SETX: variants seen among roughly 807,000 people sequenced by gnomAD.
SETX encodes helicase senataxin.
In SETX, 90 loss-of-function variants were observed where a neutral mutation model predicts 227.2. That is an observed-to-expected ratio of 0.40 (90% CI 0.33 to 0.47). The LOEUF (loss-of-function observed/expected upper bound fraction) is 0.47. Among genes scored for constraint, SETX ranks in the 20% least tolerant of loss-of-function variants. The pLI is 0.91. For missense variants in SETX, 3,052 were observed against 3,181.5 expected (o/e 0.96, Z 0.98); for synonymous variants, 1,210 against 1,113.2 (o/e 1.09, Z -1.73).
chr9:132,312,886 C>T (rs1589704342), intron 10 of SETX, among the ~76,000 whole-genome samples: 1 of 152,194 alleles, frequency 6.6e-6, no homozygotes, highest in African/African-American at 2.4e-5. Flanking sequence ...TATATCCATA[C>T]AATAGAATCT....
At position 132,264,832 on chromosome 9, in the gene SETX, G is replaced by C; in HGVS notation, c.7441C>G (p.Pro2481Ala). ...CCACCCTGGGGTCTGGACCCCTCTG[G>C]GGCTATGGTAGGAGGGTGAGTGAGA... ...RSLTHPPTIA[P>A]EGSRPQGGLP... The change falls in exon 26 of 26, where the codon CCA becomes GCA. Residue 2481 changes from proline to alanine, a missense_variant. By Grantham distance (27) the Pro-to-Ala change is conservative. Transcript: ENST00000224140. The C allele has an allele frequency of 1.9e-6, 3 of 1,614,124 alleles. No individual in the cohort carries two copies. The highest frequency in any genetic ancestry group is 2.5e-6 in the Non-Finnish European group (3 of 1,180,030).
At chr9:132,278,793 G>T (rs76114520) in intron 20 of SETX, among the ~76,000 whole-genome samples, 2 of 152,046 alleles carry the variant, frequency 1.3e-5, no homozygotes, top group Non-Finnish European at 2.9e-5. Context: ...TATTTCTGGG[G>T]GTACACCCTC....
At chr9:132,334,385 T>C (rs553398423) in intron 7 of SETX, among the ~76,000 whole-genome samples, 1 of 151,974 alleles carries the variant, frequency 6.6e-6, no homozygotes, top group East Asian at 1.9e-4. Flanking sequence ...GAGGTGGAGG[T>C]TGCAGTGAGC....
In SETX at chr9:132,327,676, C is replaced by T; in HGVS notation, c.3922G>A (p.Ala1308Thr). The change falls in exon 10 of 26, where the codon GCT becomes ACT. Residue 1308 changes from alanine (A) to threonine (T), a missense_variant. Physicochemically the swap from Ala to Thr is moderately conservative, Grantham distance 58. This residue lies in a region of SETX where 1,483 missense variants were observed against 1,312.0 expected (regional missense o/e 1.13). Coordinates refer to ENST00000224140, the MANE Select transcript of SETX (RefSeq NM_015046.7). ...ELSQRSLDYV[A>T]QLRDHGKTVG... is the part of the protein sequence containing the mutation. ...GTTTTGCCATGATCACGTAATTGAG[C>T]TACATAATCCAAAGACCGCTGGGAC... The T allele has an allele frequency of 6.2e-7, 1 of 1,613,780 alleles. No individual in the cohort carries two copies. Among genetic ancestry groups the T allele is most frequent in the African/African-American group, 1.3e-5 (1 of 74,924 alleles).
chr9:132,295,822 A>G (rs1462424103), intron 15 of SETX, 50 bp downstream of exon 15: 2 of 1,565,296 alleles, frequency 1.3e-6, no homozygotes, highest in Non-Finnish European at 1.7e-6. Flanking sequence ...AGTTGCCTAC[A>G]CTTAACACTG....
In SETX at chr9:132,326,818, G is replaced by C. The variant is rs1296769718; in HGVS notation, c.4780C>G (p.Pro1594Ala). 6.2e-7 allele frequency: 1 copy of C among 1,614,172 alleles called. No homozygotes were observed. Among genetic ancestry groups the C allele is most frequent in the African/African-American group, 1.3e-5 (1 of 75,036 alleles). The change falls in exon 10 of 26, where the codon CCT becomes GCT. Residue 1594 changes from proline (P) to alanine (A), a missense_variant. Physicochemically the swap from Pro to Ala is conservative, Grantham distance 27. Around this residue, in one of 10 missense-constraint regions of SETX, gnomAD observed 1,483 missense variants for 1,312.0 expected, o/e 1.13. Coordinates refer to ENST00000224140, the MANE Select transcript of SETX (RefSeq NM_015046.7). ...TTTGAGCTAAAAATCTTAGTGGTAG[G>C]TCTCAAAGGTTTAGATGCAGGAGGA... ...LPPPASKPLR[P>A]TTKIFSSKST...
rs754701648 is a variant in SETX at position 132,264,524 on chromosome 9, G to A, written c.7749C>T (p.Asp2583=). 6 of 1,613,956 alleles carry A rather than the reference G, an allele frequency of 3.7e-6. No homozygotes were observed. Among genetic ancestry groups the A allele is most frequent in the Admixed American group, 1.7e-5 (1 of 60,008 alleles). ...GEPGFPVVHQ[D]LSHIQQPAAV... ...CAGCGGGCTGCTGTATATGGCTCAG[G>A]TCCTGGTGAACGACAGGGAAGCCCG... Residue 2583 remains aspartate (D), a synonymous_variant, in exon 26 of 26, where the codon GAC becomes GAT. Transcript: ENST00000224140.
At position 132,269,892 on chromosome 9, in the gene SETX, T is replaced by C. The variant is rs7044714; in HGVS notation, c.7200-190A>G. On this transcript the variant is annotated intron_variant, in intron 24 of 25. Transcript: ENST00000224140. The stretch of plus-strand genomic sequence containing the variant: ...CGTGCCCGTGTGAGACACAGGTGGA[T>C]TCTAGAATGACTCAGCATCCTCATG... 0.14 allele frequency among the ~76,000 whole-genome samples: 5,452 copies of C among 38,184 alleles called. 835 individuals are homozygous for C. The highest frequency in any genetic ancestry group is 0.45 in the East Asian group (908 of 2,006). The allele number at this position is 38,184 out of a possible 152,430, so 25.1% of individuals were successfully genotyped here. A position where few individuals can be genotyped will look rare whatever the true frequency, so the allele number is the denominator to read the frequency against.
intron 11 of SETX, among the ~76,000 whole-genome samples, chr9:132,305,072 A>G (rs12000505): frequency 0.32 from 48,137 of 150,774 alleles, 10,989 homozygotes; most frequent in East Asian, 0.68. Context: ...ATTTTGGGCC[A>G]GGCGCAGTGG....
Position 132,341,930 on chromosome 9 carries a change from AC to A in SETX, c.498+759del, listed in dbSNP as rs80114632. 1.0e-3 allele frequency among the ~76,000 whole-genome samples: 151 copies of A among 150,686 alleles called. 1 individual carries two copies. In the East Asian group the frequency reaches 0.025, roughly 24 times the overall value. Reference sequence around the variant, plus strand: ...TTTTCCTTTGGAGGAATGTGATTATACCCCTTTAATTTCCTCCTTTTGCTTT... The same window carrying A: ...TTTTCCTTTGGAGGAATGTGATTATACCCTTTAATTTCCTCCTTTTGCTTT... On this transcript the variant is annotated intron_variant, in intron 5 of 25. Transcript: ENST00000224140.
At chr9:132,347,464 C>T (rs956178519) in intron 3 of SETX, among the ~76,000 whole-genome samples, 24 of 151,700 alleles carry the variant, frequency 1.6e-4, no homozygotes, top group African/African-American at 3.4e-4. Context: ...AGGCGCCCAC[C>T]ACCACGCCTG....
intron 9 of SETX, among the ~76,000 whole-genome samples, 163 bp from the exon 10 acceptor site, chr9:132,330,662 C>T (rs1847167958): frequency 6.6e-6 from 1 of 152,136 alleles, no homozygotes; most frequent in Admixed American, 6.5e-5. Context: ...AATTATATCA[C>T]AATCGTAATA....
In SETX at chr9:132,311,935, G is replaced by C. The variant is rs1845693876; in HGVS notation, c.5275-79C>G. 1.4e-5 allele frequency: 15 copies of C among 1,107,840 alleles called. No homozygotes were observed. In the South Asian group the frequency reaches 1.7e-4, roughly 13 times the overall value. 68.6% of individuals were successfully genotyped at this position (1,107,840 alleles called of 1,614,324 possible). ...AAATAGTAACATTTTCCAAAGTTAA[G>C]CAACAGTAAAATCCAGAAGCTAGAA... On this transcript the variant is annotated intron_variant, in intron 10 of 25. Transcript: ENST00000224140.
At chr9:132,287,294 G>A (rs1398043213) in intron 17 of SETX, among the ~76,000 whole-genome samples, 1 of 152,060 alleles carries the variant, frequency 6.6e-6, no homozygotes, top group African/African-American at 2.4e-5. Context: ...GACCACCCTG[G>A]GCAACATGGC....
chr9:132,324,278 C>T (rs2131412000), intron 10 of SETX, among the ~76,000 whole-genome samples: 1 of 152,202 alleles, frequency 6.6e-6, no homozygotes, highest in East Asian at 1.9e-4. Context: ...AATAAAGCAA[C>T]TCTCAAAAAT....
At chr9:132,275,973 T>G (rs1843139403) in intron 22 of SETX, among the ~76,000 whole-genome samples, 1 of 152,174 alleles carries the variant, frequency 6.6e-6, no homozygotes, top group African/African-American at 2.4e-5. Flanking sequence ...CATGGGGCCC[T>G]GGAGCAGGTT....
intron 15 of SETX, among the ~76,000 whole-genome samples, chr9:132,293,987 G>A (rs1844511073): frequency 6.6e-6 from 1 of 152,082 alleles, no homozygotes; most frequent in Non-Finnish European, 1.5e-5. Flanking sequence ...TCGCGCCACT[G>A]CACTCCAGCC....
chr9:132,317,622 T>C (rs1846059010), intron 10 of SETX, among the ~76,000 whole-genome samples: 1 of 151,422 alleles, frequency 6.6e-6, no homozygotes, highest in African/African-American at 2.5e-5. Flanking sequence ...TTGTTTGCCG[T>C]ATCATTTTCC....
chr9:132,327,469 C>G lies in SETX; in HGVS notation c.4129G>C (p.Gly1377Arg). 2 of 1,614,142 alleles carry G rather than the reference C, an allele frequency of 1.2e-6. No individual in the cohort carries two copies. The highest frequency in any genetic ancestry group is 1.7e-6 in the Non-Finnish European group (2 of 1,180,040). The change falls in exon 10 of 26, where the codon GGG (glycine) becomes CGG (arginine). Residue 1377 changes from glycine (G) to arginine (R), a missense_variant. Gly to Arg is a moderately radical substitution (Grantham distance 125). Around this residue, in one of 10 missense-constraint regions of SETX, gnomAD observed 1,483 missense variants for 1,312.0 expected, o/e 1.13. Transcript: ENST00000224140. ...TCAGAATTCTGTGCTGTATGTGACC[C>G]TGCTCTTTTAACATCTGTACTTTCA... ...DCESTDVKRAGSHTAQNSDIF... is the reference protein window; with the variant it reads ...DCESTDVKRARSHTAQNSDIF...
Sources: gnomAD v4.1 joint callset for allele counts (sites outside exome capture counted in the v4.1 genomes callset) on GRCh38, gnomAD v4.1.1 for gene constraint, gnomAD v4.1.1 regional missense constraint, MANE v1.5 for transcripts, NCBI Gene and HGNC (gene_info 2026-07-23, HGNC 2026-07-21) for gene names.